The following DIAPH3 variants were observed in gnomAD, a reference collection of about 807,000 sequenced individuals.
DIAPH3 encodes the protein protein diaphanous homolog 3.
Under a neutral mutation model 144.3 loss-of-function variants are expected in DIAPH3, and 117 were observed. The observed-to-expected ratio is 0.81, with a 90% CI of 0.70 to 0.95. The LOEUF is 0.95. Ranked by LOEUF, DIAPH3 falls within the 40% of genes least tolerant of loss-of-function variation. The pLI, the probability that DIAPH3 is intolerant of heterozygous loss-of-function variation, is 0.00. For synonymous variants in DIAPH3, 519 were observed against 488.9 expected (o/e 1.06, Z -0.81); for missense variants, 1,421 against 1,412.7 (o/e 1.01, Z -0.09).
intron 20 of DIAPH3, among the ~76,000 whole-genome samples, chr13:59,891,234 A>G (rs966031889): frequency 1.3e-5 from 2 of 152,122 alleles, no homozygotes; most frequent in Non-Finnish European, 2.9e-5. Flanking sequence ...GAATCACAAG[A>G]GACCTTTTTG....
chr13:59,753,179 T>C (rs1672777606), intron 27 of DIAPH3, among the ~76,000 whole-genome samples: 1 of 152,242 alleles, frequency 6.6e-6, no homozygotes, highest in African/African-American at 2.4e-5. Flanking sequence ...AAATGATTTT[T>C]ATAAATAGAT....
At chr13:59,976,187 G>C (rs2050673011) in intron 14 of DIAPH3, among the ~76,000 whole-genome samples, 1 of 151,822 alleles carries the variant, frequency 6.6e-6, no homozygotes, top group Non-Finnish European at 1.5e-5. Context: ...GTTGAACTCT[G>C]TTCATTTCAT....
intron 24 of DIAPH3, among the ~76,000 whole-genome samples, chr13:59,823,416 G>A (rs1286326757): frequency 6.6e-6 from 1 of 152,110 alleles, no homozygotes; most frequent in Non-Finnish European, 1.5e-5. Flanking sequence ...TATTTATTTT[G>A]TTCTAGGTTT....
chr13:60,113,633 T>C (rs1443486517), intron 2 of DIAPH3, among the ~76,000 whole-genome samples: 5 of 152,116 alleles, frequency 3.3e-5, no homozygotes, highest in Non-Finnish European at 7.4e-5. Context: ...AGAAAACGTA[T>C]AAAGTTATAC....
At chr13:59,872,390 C>A (rs1022256971) in intron 21 of DIAPH3, among the ~76,000 whole-genome samples, 1 of 151,982 alleles carries the variant, frequency 6.6e-6, no homozygotes, top group Non-Finnish European at 1.5e-5. Context: ...ACAAAACACA[C>A]GCCTGGTATA....
At chr13:59,856,746 G>A (rs1012026292) in intron 22 of DIAPH3, among the ~76,000 whole-genome samples, 1 of 152,122 alleles carries the variant, frequency 6.6e-6, no homozygotes, top group African/African-American at 2.4e-5. Context: ...GAACAGTACA[G>A]CTTGTAACAG....
intron 25 of DIAPH3, among the ~76,000 whole-genome samples, chr13:59,794,537 G>T (rs901083933): frequency 1.3e-5 from 2 of 151,804 alleles, no homozygotes; most frequent in South Asian, 4.1e-4. Flanking sequence ...ATTAAAAAAT[G>T]TATCATTCAT....
At chr13:60,116,905 G>A (rs1363564565) in intron 2 of DIAPH3, among the ~76,000 whole-genome samples, 1 of 151,976 alleles carries the variant, frequency 6.6e-6, no homozygotes, top group African/African-American at 2.4e-5. Flanking sequence ...ACCAGGCTAA[G>A]AGCTTGAAAT....
chr13:60,013,244 T>C (rs1335323907), intron 7 of DIAPH3: 15 of 979,788 alleles, frequency 1.5e-5, no homozygotes, highest in Non-Finnish European at 1.8e-5. Flanking sequence ...TATTAGCTAA[T>C]AGATGGAATT....
intron 27 of DIAPH3, among the ~76,000 whole-genome samples, chr13:59,758,529 T>G (rs1350787074): frequency 6.6e-6 from 1 of 152,244 alleles, no homozygotes; most frequent in African/African-American, 2.4e-5. Flanking sequence ...AATTAAATTC[T>G]GTTTCTTGAT....
chr13:60,028,616 T>C (rs2054554873), intron 5 of DIAPH3, among the ~76,000 whole-genome samples: 5 of 152,108 alleles, frequency 3.3e-5, no homozygotes, highest in Admixed American at 2.6e-4. Flanking sequence ...TCCTTCTCCA[T>C]ACAACCTGCC....
At chr13:60,114,229 T>C (rs1277882709) in intron 2 of DIAPH3, among the ~76,000 whole-genome samples, 2 of 147,786 alleles carry the variant, frequency 1.4e-5, no homozygotes, top group Non-Finnish European at 3.0e-5. Context: ...GAGTGGACAT[T>C]ACACATGAGA....
intron 25 of DIAPH3, among the ~76,000 whole-genome samples, chr13:59,781,011 C>T (rs1473711378): frequency 2.6e-5 from 4 of 152,140 alleles, no homozygotes; most frequent in African/African-American, 9.7e-5. Flanking sequence ...ATCTTGGAAA[C>T]CACCTAAGTT....
intron 3 of DIAPH3, among the ~76,000 whole-genome samples, chr13:60,101,871 A>G (rs1355437733): frequency 6.6e-6 from 1 of 151,906 alleles, no homozygotes; most frequent in Non-Finnish European, 1.5e-5. Context: ...TGACCCTTCC[A>G]TTTTCTTCCA....
At chr13:59,954,540 T>C (rs1322746084) in intron 17 of DIAPH3, among the ~76,000 whole-genome samples, 1 of 152,172 alleles carries the variant, frequency 6.6e-6, no homozygotes, top group African/African-American at 2.4e-5. Flanking sequence ...GATGACCATG[T>C]CAGGTGGTTA....
At chr13:60,160,286 A>G (rs558696421) in intron 1 of DIAPH3, among the ~76,000 whole-genome samples, 5 of 152,224 alleles carry the variant, frequency 3.3e-5, no homozygotes, top group African/African-American at 7.2e-5. Flanking sequence ...ACAATGACAT[A>G]ATCAATCAAT....
At chr13:59,978,657 T>A (rs2050809498) in intron 14 of DIAPH3, among the ~76,000 whole-genome samples, 1 of 151,712 alleles carries the variant, frequency 6.6e-6, no homozygotes, top group South Asian at 2.1e-4. Context: ...ATAAACTTTG[T>A]TTTAGCATTT....
At chr13:60,163,478 TG>T in intron 1 of DIAPH3, 108 bp downstream of exon 1, 1 of 1,459,694 alleles carries the variant, frequency 6.9e-7, no homozygotes, top group South Asian at 1.3e-5. Flanking sequence ...TTGGCACCTC[TG>T]GATCTCTAGA....
intron 27 of DIAPH3, among the ~76,000 whole-genome samples, chr13:59,675,056 C>T (rs185820186): frequency 1.1e-4 from 16 of 152,228 alleles, no homozygotes; most frequent in Non-Finnish European, 1.6e-4. Flanking sequence ...CTTTTACATG[C>T]TATCTTTTTT....
Sources: allele counts gnomAD v4.1 joint callset (sites outside exome capture counted in the v4.1 genomes callset), GRCh38; gene constraint gnomAD v4.1.1; transcripts MANE v1.5; gene names NCBI Gene and HGNC (gene_info 2026-07-23, HGNC 2026-07-21).